The following SPEG variants were observed in gnomAD, a reference collection of about 807,000 sequenced individuals.
SPEG encodes the protein striated muscle enriched protein kinase, also known as striated muscle preferentially expressed protein kinase.
SPEG carries 114 observed loss-of-function variants against 300.4 expected under a neutral mutation model. That is an observed-to-expected ratio of 0.38 (90% CI 0.33 to 0.44). The LOEUF is 0.44. SPEG is among the 20% of genes least tolerant of loss of function. The pLI is 1.00. For missense variants in SPEG, 4,201 were observed against 4,586.2 expected, an observed-to-expected ratio of 0.92 and a Z score of 2.43; for synonymous variants, 1,964 against 2,018.9, an observed-to-expected ratio of 0.97 and a Z score of 0.73.
intron 6 of SPEG, among the ~76,000 whole-genome samples, chr2:219,454,175 G>C (rs1055787851): frequency 2.4e-4 from 36 of 152,206 alleles, no homozygotes; most frequent in Admixed American, 3.9e-4. Flanking sequence ...AGGACCCACA[G>C]ATCTCAATTC....
chr2:219,452,012 C>T (rs1689798342), intron 6 of SPEG, among the ~76,000 whole-genome samples: 1 of 152,214 alleles, frequency 6.6e-6, no homozygotes, highest in African/African-American at 2.4e-5. Context: ...GGGCCAAATC[C>T]CCAAGGCGCA....
At chr2:219,472,781 G>T in intron 15 of SPEG, 109 bp from the exon 16 acceptor site, 1 of 863,266 alleles carries the variant, frequency 1.2e-6, no homozygotes, top group Non-Finnish European at 1.8e-6. Flanking sequence ...AGAGACTGAG[G>T]CACGTCATCA....
chr2:219,469,356 G>T lies in SPEG; in HGVS notation c.3692G>T (p.Ser1231Ile). ...WFHNGHRIQS[S>I]DDRRMTQYRD... Reference sequence around the variant, plus strand: ...CACAATGGCCACCGCATCCAGAGCAGCGACGACCGGCGCATGACACAGTGT... The same window carrying T: ...CACAATGGCCACCGCATCCAGAGCATCGACGACCGGCGCATGACACAGTGT... Residue 1231 changes from serine to isoleucine, a missense_variant, in exon 13 of 41, where the codon AGC becomes ATC. Physicochemically the swap from Ser to Ile is moderately radical, Grantham distance 142 (BLOSUM62 -2). Coordinates refer to ENST00000312358, the MANE Select transcript of SPEG (RefSeq NM_005876.5). 1 of 1,613,678 alleles carries T rather than the reference G, an allele frequency of 6.2e-7. No individual in the cohort carries two copies. Among genetic ancestry groups the T allele is most frequent in the Non-Finnish European group, 8.5e-7 (1 of 1,179,892 alleles).
chr2:219,486,797 G>A (rs933151444), intron 31 of SPEG, among the ~76,000 whole-genome samples: 1 of 151,906 alleles, frequency 6.6e-6, no homozygotes, highest in Admixed American at 6.6e-5. Context: ...CTCTGAGAGA[G>A]GTGGCCTCTC....
In SPEG at chr2:219,485,052, G is replaced by A; in HGVS notation, c.7589G>A (p.Ser2530Asn). The change falls in exon 30 of 41, where the codon AGC (serine) becomes AAC (asparagine). Residue 2530 changes from serine (S) to asparagine (N), a missense_variant. This residue lies in a region of SPEG where 1,578 missense variants were observed against 1,506.0 expected (regional missense o/e 1.05). Transcript: ENST00000312358. Reference protein sequence around the residue: ...PSAESLGSEASATSGSSAPGE... With the variant: ...PSAESLGSEANATSGSSAPGE... The stretch of plus-strand genomic sequence containing the variant: ...GCCGAGTCCCTGGGCTCCGAGGCCA[G>A]CGCCACGTCGGGCTCCTCAGGTGAG... 1 of 1,532,648 alleles carries A rather than the reference G, an allele frequency of 6.5e-7. No individual in the cohort carries two copies. Among genetic ancestry groups the A allele is most frequent in the Non-Finnish European group, 8.7e-7 (1 of 1,146,014 alleles). 94.9% of individuals were successfully genotyped at this position (1,532,648 alleles called of 1,614,324 possible).
intron 3 of SPEG, among the ~76,000 whole-genome samples, chr2:219,447,299 C>CG (rs920144395): frequency 2.0e-5 from 3 of 151,992 alleles, no homozygotes; most frequent in Non-Finnish European, 2.9e-5. Context: ...AAAGGCCTAT[C>CG]GGGGGGCAGA....
In SPEG at chr2:219,483,816, C is replaced by T; in HGVS notation, c.6353C>T (p.Pro2118Leu). 1 of 1,578,670 alleles carries T rather than the reference C, an allele frequency of 6.3e-7. No individual in the cohort carries two copies. The highest frequency in any genetic ancestry group is 1.3e-5 in the African/African-American group (1 of 74,528). ...ASSEAAPHHQ[P>L]PLENRGLQKS... ...AGCGAGGCAGCGCCCCACCACCAGC[C>T]CCCACTCGAGAACCGGGGCCTGCAA... Residue 2118 changes from proline to leucine, a missense_variant, in exon 30 of 41, where the codon CCC (proline) becomes CTC (leucine). Around this residue, in one of 4 missense-constraint regions of SPEG, gnomAD observed 1,578 missense variants for 1,506.0 expected, o/e 1.05. Transcript: ENST00000312358.
At chr2:219,471,679 G>A in intron 13 of SPEG, 189 bp from the exon 14 acceptor site, 1 of 662,840 alleles carries the variant, frequency 1.5e-6, no homozygotes, top group Admixed American at 2.8e-5. Context: ...GCCAGCCCGG[G>A]CCCAGACCCA....
chr2:219,479,474 A>G lies in SPEG; in HGVS notation c.5085+273A>G, dbSNP rs150239918. Among the ~76,000 whole-genome samples, 21 of 152,262 alleles carry G rather than the reference A, an allele frequency of 1.4e-4. No individual in the cohort carries two copies. Among genetic ancestry groups the G allele is most frequent in the African/African-American group, 4.8e-4 (20 of 41,540 alleles). On this transcript the variant is annotated intron_variant, in intron 23 of 40. Coordinates refer to ENST00000312358, the MANE Select transcript of SPEG (RefSeq NM_005876.5). The surrounding 1 kb of genome is among the most constrained non-coding windows in gnomAD (Gnocchi z 5.5). ...CTCTTCATCACATAAACATCCCCCAAACATTTCTCCTGGAAGGAGCCCCAC... is the reference window on the plus strand; with the variant it reads ...CTCTTCATCACATAAACATCCCCCAGACATTTCTCCTGGAAGGAGCCCCAC...
chr2:219,435,600 G>A (rs1954697529), intron 1 of SPEG, among the ~76,000 whole-genome samples: 1 of 152,218 alleles, frequency 6.6e-6, no homozygotes, highest in African/African-American at 2.4e-5. Flanking sequence ...GGCAGCAAGC[G>A]GTTGATAAGC....
intron 12 of SPEG, 36 bp from the exon 13 acceptor site, chr2:219,469,120 G>T (rs578095115): frequency 6.2e-7 from 1 of 1,610,426 alleles, no homozygotes; most frequent in Non-Finnish European, 8.5e-7. Context: ...TGGGAGGCAC[G>T]GCCCTGGGCC....
At chr2:219,489,312 G>T in intron 35 of SPEG, 24 bp from the exon 36 acceptor site, 3 of 1,613,556 alleles carry the variant, frequency 1.9e-6, no homozygotes, top group Non-Finnish European at 2.5e-6. Flanking sequence ...AGGCACCACG[G>T]TGATGATTTT....
intron 9 of SPEG, chr2:219,465,869 G>A (rs931048809): frequency 4.3e-5 from 27 of 622,414 alleles, no homozygotes; most frequent in South Asian, 2.2e-4. Context: ...ATGTGTGTGC[G>A]TGTGTGCGTG....
chr2:219,467,542 G>T (rs1286888154), intron 10 of SPEG, 108 bp downstream of exon 10: 2 of 1,326,082 alleles, frequency 1.5e-6, no homozygotes, highest in East Asian at 4.7e-5. Context: ...AACCCCGAGG[G>T]GAAGCGGGGG....
At chr2:219,447,863 G>A (rs1286074575) in intron 3 of SPEG, 111 bp from the exon 4 acceptor site, 2 of 1,000,796 alleles carry the variant, frequency 2.0e-6, no homozygotes, top group African/African-American at 3.2e-5. Context: ...TCTGGCCCAT[G>A]TCACCCCCAA....
intron 1 of SPEG, among the ~76,000 whole-genome samples, chr2:219,442,279 C>T (rs921088334): frequency 6.6e-6 from 1 of 151,844 alleles, no homozygotes; most frequent in Non-Finnish European, 1.5e-5. Context: ...GCGCAGGCCC[C>T]TCCCCGCGCT....
In SPEG at chr2:219,464,468, G is replaced by A. The variant is rs200848544; in HGVS notation, c.2741G>A (p.Arg914Gln). The part of the protein sequence containing the change: ...RNRQPVRPDQ[R>Q]RFAEEAEGGL... ...CGCCAGCCCGTGCGCCCAGACCAGC[G>A]GCGCTTTGCGGAGGAGGCTGAGGGT... is the stretch of plus-strand genomic sequence containing the variant. Residue 914 changes from arginine (R) to glutamine (Q), a missense_variant, in exon 9 of 41, where the codon CGG (arginine) becomes CAG (glutamine). Coordinates refer to ENST00000312358, the MANE Select transcript of SPEG (RefSeq NM_005876.5). This position sits in a 1 kb window ranked among gnomAD's most constrained non-coding sequence, Gnocchi z 4.5. 4 of 1,613,224 alleles carry A rather than the reference G, an allele frequency of 2.5e-6. No individual in the cohort carries two copies. The highest frequency in any genetic ancestry group is 1.7e-5 in the Admixed American group (1 of 60,022).
At position 219,451,609 on chromosome 2, in the gene SPEG, C is replaced by A. The variant is rs765716715; in HGVS notation, c.2258-16C>A. The stretch of plus-strand genomic sequence containing the variant: ...CTGTGGGCCGTGGCGAGCCGGGTCC[C>A]TGTGCCTCCCCACAGTGTCCTGGCA... On this transcript the variant is annotated splice_polypyrimidine_tract_variant and intron_variant, in intron 5 of 40. Coordinates refer to ENST00000312358, the MANE Select transcript of SPEG (RefSeq NM_005876.5). The surrounding 1 kb of genome is among the most constrained non-coding windows in gnomAD (Gnocchi z 6.4). 33 of 1,519,640 alleles carry A rather than the reference C, an allele frequency of 2.2e-5. No homozygotes were observed. In the Admixed American group the frequency reaches 6.7e-4, roughly 31 times the overall value. The allele number at this position is 1,519,640 out of a possible 1,614,324, so 94.1% of individuals were successfully genotyped here.
intron 32 of SPEG, 59 bp from the exon 33 acceptor site, chr2:219,488,439 G>T: frequency 6.6e-7 from 1 of 1,522,628 alleles, no homozygotes; most frequent in Non-Finnish European, 8.9e-7. Flanking sequence ...GAGTGAGTGA[G>T]GGGGCCTGGA....
Sources: allele counts gnomAD v4.1 joint callset (sites outside exome capture counted in the v4.1 genomes callset), GRCh38; gene constraint gnomAD v4.1.1; regional missense constraint gnomAD v4.1.1; non-coding constraint Gnocchi (gnomAD v3.1); transcripts MANE v1.5; gene names NCBI Gene and HGNC (gene_info 2026-07-23, HGNC 2026-07-21).